Variants in CCDC102B observed in about 807,000 individuals in gnomAD.
The protein encoded by CCDC102B is coiled-coil domain-containing protein 102B.
Under a neutral mutation model 57.4 loss-of-function variants are expected in CCDC102B, and 75 were observed. The ratio of observed to expected loss-of-function variants is 1.31; its 90% confidence interval spans 1.08 to 1.58. The LOEUF (loss-of-function observed/expected upper bound fraction) is 1.58. CCDC102B is among the 40% of genes most tolerant of loss of function. The pLI, the probability that CCDC102B is intolerant of heterozygous loss-of-function variation, is 0.00. For missense variants in CCDC102B, 636 were observed against 582.6 expected (o/e 1.09, Z -0.94); for synonymous variants, 206 against 201.9 (o/e 1.02, Z -0.17).
intron 7 of CCDC102B, among the ~76,000 whole-genome samples, chr18:69,016,674 A>G (rs535677590): frequency 1.2e-4 from 19 of 152,288 alleles, no homozygotes; most frequent in African/African-American, 4.1e-4. Context: ...TGTAGTATTC[A>G]TAGTTGGCAT....
chr18:68,933,655 C>T (rs1280575595), intron 6 of CCDC102B, among the ~76,000 whole-genome samples: 2 of 151,842 alleles, frequency 1.3e-5, no homozygotes, highest in Non-Finnish European at 2.9e-5. Flanking sequence ...ACAGTGTCAG[C>T]TTAAATATTT....
intron 6 of CCDC102B, among the ~76,000 whole-genome samples, chr18:68,924,387 AC>A (rs1449621782): frequency 6.6e-5 from 10 of 151,722 alleles, no homozygotes; most frequent in African/African-American, 2.2e-4. Flanking sequence ...CCCTACCTCC[AC>A]CATACTTCTT....
intron 2 of CCDC102B, chr18:68,734,585 T>A (rs1305475501): frequency 6.6e-6 from 1 of 152,224 alleles, no homozygotes; most frequent in African/African-American, 2.4e-5. Context: ...CGTTTCAGAT[T>A]TGAAGCAATG....
At chr18:68,849,944 A>G (rs2038049379) in intron 4 of CCDC102B, among the ~76,000 whole-genome samples, 1 of 152,116 alleles carries the variant, frequency 6.6e-6, no homozygotes, top group South Asian at 2.1e-4. Flanking sequence ...CCATCTGATC[A>G]GAGATTAGAA....
intron 5 of CCDC102B, among the ~76,000 whole-genome samples, chr18:68,876,299 G>T (rs2039445688): frequency 6.6e-6 from 1 of 152,134 alleles, no homozygotes; most frequent in Non-Finnish European, 1.5e-5. Flanking sequence ...TCAGAGAACA[G>T]CCTTCAGTGA....
chr18:68,980,170 G>C (rs1003650573), intron 6 of CCDC102B, among the ~76,000 whole-genome samples: 1 of 151,778 alleles, frequency 6.6e-6, no homozygotes, highest in African/African-American at 2.4e-5. Context: ...GATGTAGGGA[G>C]TAGAACCCTT....
chr18:68,977,879 C>A (rs2050480652), intron 6 of CCDC102B, among the ~76,000 whole-genome samples: 1 of 151,940 alleles, frequency 6.6e-6, no homozygotes, highest in African/African-American at 2.4e-5. Flanking sequence ...TTTGTTTTGG[C>A]TAGATCAGCC....
In CCDC102B at chr18:68,848,638, G is replaced by A. The variant is rs544419233; in HGVS notation, c.936+2217G>A. ...TAGTAGAGGTAATTATATCCAAAGT[G>A]CTGTTTCCATGCTGAATTTAATACT... is the stretch of plus-strand genomic sequence containing the variant. On this transcript the variant is annotated intron_variant, in intron 4 of 7. Transcript: ENST00000360242. Among the ~76,000 whole-genome samples the A allele has an allele frequency of 5.9e-3, 891 of 152,084 alleles. 3 individuals are homozygous for A. The highest frequency in any genetic ancestry group is 1.0e-2 in the Non-Finnish European group (677 of 67,912).
intron 1 of CCDC102B, among the ~76,000 whole-genome samples, chr18:68,715,830 G>A (rs2031930093): frequency 6.6e-6 from 1 of 152,142 alleles, no homozygotes; most frequent in Admixed American, 6.5e-5. Context: ...TTACGAACTA[G>A]ATGAAATTTT....
Position 68,952,605 on chromosome 18 carries a change from G to T in CCDC102B, c.1263+55177G>T, listed in dbSNP as rs560142171. 2.0e-5 allele frequency among the ~76,000 whole-genome samples: 3 copies of T among 152,128 alleles called. No homozygotes were observed. In the South Asian group the frequency reaches 6.2e-4, roughly 32 times the overall value. On this transcript the variant is annotated intron_variant, in intron 6 of 7. Transcript: ENST00000360242. Reference sequence around the variant, plus strand: ...CTTGAAGAAAAGTCAAAATTTAAGGGCCTGTGGTAAAGAGAAAAGCTGTAT... The same window carrying T: ...CTTGAAGAAAAGTCAAAATTTAAGGTCCTGTGGTAAAGAGAAAAGCTGTAT...
At chr18:68,822,773 C>T (rs536034082) in intron 1 of CCDC102B, among the ~76,000 whole-genome samples, 17 of 152,148 alleles carry the variant, frequency 1.1e-4, no homozygotes, top group Non-Finnish European at 2.1e-4. Flanking sequence ...TTATGGCCTC[C>T]GGCTCCATCC....
chr18:68,815,094 C>A (rs2036422618), intron 1 of CCDC102B, among the ~76,000 whole-genome samples: 1 of 152,068 alleles, frequency 6.6e-6, no homozygotes, highest in Non-Finnish European at 1.5e-5. Flanking sequence ...TTTCTATAAT[C>A]ATACAATAAT....
intron 3 of CCDC102B, among the ~76,000 whole-genome samples, chr18:68,841,264 A>T (rs554713407): frequency 1.3e-5 from 2 of 152,288 alleles, no homozygotes; most frequent in East Asian, 3.9e-4. Context: ...TCTCTTCTTG[A>T]CTAGTGCACA....
intron 6 of CCDC102B, among the ~76,000 whole-genome samples, chr18:68,935,732 G>A (rs1487297975): frequency 6.6e-6 from 1 of 151,916 alleles, no homozygotes; most frequent in African/African-American, 2.4e-5. Flanking sequence ...TCAGGGACAG[G>A]CCTTGGACCC....
At chr18:68,790,492 C>A (rs545528756) in intron 2 of CCDC102B, among the ~76,000 whole-genome samples, 2 of 152,130 alleles carry the variant, frequency 1.3e-5, no homozygotes, top group Non-Finnish European at 2.9e-5. Flanking sequence ...ACTCCGAGGG[C>A]GTAGGACCCT....
chr18:69,048,581 T>C (rs983971682), intron 7 of CCDC102B, among the ~76,000 whole-genome samples: 1 of 152,200 alleles, frequency 6.6e-6, no homozygotes, highest in East Asian at 1.9e-4. Flanking sequence ...TGTCCAAATG[T>C]TTGAAATTCA....
At chr18:68,905,635 A>G (rs1466648798) in intron 6 of CCDC102B, among the ~76,000 whole-genome samples, 1 of 151,934 alleles carries the variant, frequency 6.6e-6, no homozygotes, top group Non-Finnish European at 1.5e-5. Flanking sequence ...ATCACCCTAT[A>G]AGGAAACAAA....
At chr18:68,865,715 T>C (rs959858598) in intron 4 of CCDC102B, among the ~76,000 whole-genome samples, 2 of 152,184 alleles carry the variant, frequency 1.3e-5, no homozygotes, top group Non-Finnish European at 2.9e-5. Context: ...AACAGAGAGA[T>C]ATGTTGAAAT....
intron 6 of CCDC102B, among the ~76,000 whole-genome samples, chr18:68,943,075 C>G (rs1432234505): frequency 9.8e-6 from 1 of 102,142 alleles, no homozygotes; most frequent in African/African-American, 2.8e-5. Flanking sequence ...TGAGTCCACA[C>G]AGCACATGTT....
Sources: allele counts gnomAD v4.1 joint callset (sites outside exome capture counted in the v4.1 genomes callset), GRCh38; gene constraint gnomAD v4.1.1; transcripts MANE v1.5; gene names NCBI Gene and HGNC (gene_info 2026-07-23, HGNC 2026-07-21).